DCTN6: variants seen among roughly 807,000 people sequenced by gnomAD.
DCTN6 encodes dynactin 6.
A neutral mutation model predicts 25.8 loss-of-function variants in DCTN6; 15 were observed. That is an observed-to-expected ratio of 0.58 (90% CI 0.39 to 0.89). The LOEUF is 0.89. DCTN6 is among the 40% of genes least tolerant of loss of function. The pLI is 0.00. For missense variants in DCTN6, 198 were observed against 237.6 expected (o/e 0.83, Z 1.09); for synonymous variants, 64 against 78.3 (o/e 0.82, Z 0.96).
intron 2 of DCTN6, among the ~76,000 whole-genome samples, chr8:30,173,676 G>A (rs1259625384): frequency 1.4e-5 from 2 of 144,210 alleles, no homozygotes; most frequent in Non-Finnish European, 3.0e-5. Context: ...GCTGGAGGGA[G>A]TTATGATCAC....
At chr8:30,158,557 A>G (rs1385587675) in intron 1 of DCTN6, among the ~76,000 whole-genome samples, 3 of 152,178 alleles carry the variant, frequency 2.0e-5, no homozygotes, top group African/African-American at 2.4e-5. Context: ...CTCTGCTCCA[A>G]GAAATTTCTA....
chr8:30,164,103 T>A lies in DCTN6; in HGVS notation c.24-8T>A. On this transcript the variant is annotated splice_polypyrimidine_tract_variant and splice_region_variant and intron_variant, in intron 1 of 6. Coordinates refer to ENST00000221114, the MANE Select transcript of DCTN6 (RefSeq NM_006571.4). ...CCCCTGGTAAATGTTACCTTTTTCT[T>A]GCTACAGTGTGAAGATTGCTCCTGG... 1 of 1,612,542 alleles carries A rather than the reference T, an allele frequency of 6.2e-7. No individual in the cohort carries two copies. Among genetic ancestry groups the A allele is most frequent in the Non-Finnish European group, 8.5e-7 (1 of 1,178,530 alleles).
chr8:30,170,908 T>G (rs1307259362), intron 2 of DCTN6, among the ~76,000 whole-genome samples: 1 of 152,198 alleles, frequency 6.6e-6, no homozygotes, highest in East Asian at 1.9e-4. Flanking sequence ...GTGCTGGGAT[T>G]ACAGATGTGA....
At chr8:30,170,212 G>A (rs1803745379) in intron 2 of DCTN6, among the ~76,000 whole-genome samples, 1 of 151,968 alleles carries the variant, frequency 6.6e-6, no homozygotes, top group South Asian at 2.1e-4. Context: ...AAATCTAGCG[G>A]TTATGTATCC....
At chr8:30,163,167 C>G (rs759740837) in intron 1 of DCTN6, among the ~76,000 whole-genome samples, 29 of 152,066 alleles carry the variant, frequency 1.9e-4, no homozygotes, top group Non-Finnish European at 3.4e-4. Context: ...TGTGGTGGCA[C>G]ATGCCTGTAA....
intron 4 of DCTN6, among the ~76,000 whole-genome samples, chr8:30,178,465 A>G (rs1259307628): frequency 6.7e-6 from 1 of 148,974 alleles, no homozygotes; most frequent in Non-Finnish European, 1.5e-5. Context: ...CCGTCTCAAA[A>G]AGATTAAAAA....
In DCTN6 at chr8:30,177,127, T is replaced by C. The variant is rs774369831; in HGVS notation, c.196T>C (p.Tyr66His). The C allele has an allele frequency of 3.1e-5, 50 of 1,609,734 alleles. No homozygotes were observed. The highest frequency in any genetic ancestry group is 4.0e-5 in the Non-Finnish European group (47 of 1,177,644). The part of the protein sequence containing the change: ...IEEQALIINA[Y>H]PDNITPDTED... Reference sequence around the variant, plus strand: ...ATGATTTGTTTCTTCTGTTTACAGTTACCCAGATAATATCACTCCTGACAC... The same window carrying C: ...ATGATTTGTTTCTTCTGTTTACAGTCACCCAGATAATATCACTCCTGACAC... Residue 66 changes from tyrosine (Y) to histidine (H), a missense_variant and splice_region_variant, in exon 4 of 7, where the codon TAC becomes CAC. Coordinates refer to ENST00000221114, the MANE Select transcript of DCTN6 (RefSeq NM_006571.4).
Position 30,183,151 on chromosome 8 carries a change from G to A in DCTN6, c.551G>A (p.Ser184Asn), listed in dbSNP as rs1563232361. ...YHHLKKTMKG[S>N]STPVKN ...CACCTAAAGAAGACTATGAAAGGAA[G>A]CTCAACTCCAGTAAAGAACTAAGAA... Residue 184 changes from serine (S) to asparagine (N), a missense_variant, in exon 7 of 7, where the codon AGC becomes AAC. Physicochemically the swap from Ser to Asn is conservative, Grantham distance 46. Transcript: ENST00000221114. 13 of 1,613,760 alleles carry A rather than the reference G, an allele frequency of 8.1e-6. No individual in the cohort carries two copies. Among genetic ancestry groups the A allele is most frequent in the Non-Finnish European group, 1.1e-5 (13 of 1,179,878 alleles).
At chr8:30,177,327 C>T in intron 4 of DCTN6, 113 bp downstream of exon 4, 1 of 713,864 alleles carries the variant, frequency 1.4e-6, no homozygotes, top group Middle Eastern at 3.9e-4. Flanking sequence ...CCTAAGTCTT[C>T]TCCTGTAGAA....
At chr8:30,159,665 C>T (rs1803573147) in intron 1 of DCTN6, among the ~76,000 whole-genome samples, 1 of 152,128 alleles carries the variant, frequency 6.6e-6, no homozygotes, top group African/African-American at 2.4e-5. Context: ...TCTACCCCTC[C>T]TCCCATAGGC....
rs766976301 is a variant in DCTN6 at position 30,180,621 on chromosome 8, G to C, written c.465G>C (p.Glu155Asp). The C allele has an allele frequency of 6.2e-7, 1 of 1,614,070 alleles. No homozygotes were observed. The highest frequency in any genetic ancestry group is 1.7e-5 in the Admixed American group (1 of 60,012). Residue 155 changes from glutamate (E) to aspartate (D), a missense_variant, in exon 6 of 7, where the codon GAG becomes GAC. By Grantham distance (45) the Glu-to-Asp change is conservative. Coordinates refer to ENST00000221114, the MANE Select transcript of DCTN6 (RefSeq NM_006571.4). ...GADCLRRVQTERPQPQTLQLD... is the reference protein window; with the variant it reads ...GADCLRRVQTDRPQPQTLQLD... ...ACTGCCTTCGTCGGGTGCAGACTGA[G>C]CGACCGCAGGTACTAGAACCTCTCT...
intron 2 of DCTN6, among the ~76,000 whole-genome samples, chr8:30,170,994 T>A (rs1803755344): frequency 6.6e-6 from 1 of 152,176 alleles, no homozygotes; most frequent in African/African-American, 2.4e-5. Context: ...TTTTTAAAAA[T>A]TTTTAAAAAG....
Position 30,175,154 on chromosome 8 carries a change from G to A in DCTN6, c.158G>A (p.Gly53Glu). ...GCCGGGCCAATAGTGATTGGCGAAGGGAACCTAATAGAAGAACAGGCCCTT... is the reference window on the plus strand; with the variant it reads ...GCCGGGCCAATAGTGATTGGCGAAGAGAACCTAATAGAAGAACAGGCCCTT... ...AEAGPIVIGE[G>E]NLIEEQALII... Residue 53 changes from glycine (G) to glutamate (E), a missense_variant, in exon 3 of 7, where the codon GGG (glycine) becomes GAG (glutamate). Transcript: ENST00000221114. 6.2e-7 allele frequency: 1 copy of A among 1,613,924 alleles called. No homozygotes were observed. Among genetic ancestry groups the A allele is most frequent in the East Asian group, 2.2e-5 (1 of 44,880 alleles).
Position 30,175,198 on chromosome 8 carries a change from T to C in DCTN6, c.194+8T>C. The C allele has an allele frequency of 6.2e-7, 1 of 1,609,904 alleles. No homozygotes were observed. Among genetic ancestry groups the C allele is most frequent in the Non-Finnish European group, 8.5e-7 (1 of 1,176,630 alleles). ...GGCCCTTATCATAAATGCGTAAGAC[T>C]CTTATACATACTGTGAACCAAGTAC... is the stretch of plus-strand genomic sequence containing the variant. On this transcript the variant is annotated splice_region_variant and intron_variant, in intron 3 of 6. Transcript: ENST00000221114.
At position 30,183,210 on chromosome 8, in the gene DCTN6, G is replaced by T; in HGVS notation, c.*37G>T. The T allele has an allele frequency of 6.4e-7, 1 of 1,560,954 alleles. No individual in the cohort carries two copies. Among genetic ancestry groups the T allele is most frequent in the South Asian group, 1.1e-5 (1 of 89,630 alleles). On this transcript the variant is annotated 3_prime_UTR_variant, in exon 7 of 7. Coordinates refer to ENST00000221114, the MANE Select transcript of DCTN6 (RefSeq NM_006571.4). ...AACATGAAGATAACATTTTGTCTTT[G>T]ACCACTGTCTTTTGAATGGGCCCAC...
At chr8:30,177,094 C>T (rs368841372) in intron 3 of DCTN6, 32 bp from the exon 4 acceptor site, 5 of 1,565,526 alleles carry the variant, frequency 3.2e-6, no homozygotes, top group Non-Finnish European at 4.4e-6. Context: ...GTGTTATTGA[C>T]TTTTTGGATG....
chr8:30,159,433 AGGGAATACTTGGG>A (rs1256463356), intron 1 of DCTN6, among the ~76,000 whole-genome samples: 2 of 152,200 alleles, frequency 1.3e-5, no homozygotes, highest in African/African-American at 2.4e-5. Flanking sequence ...CATGTATATT[AGGGAATACTTGGG>A]GGGAAGATTC....
At chr8:30,166,989 G>GAAGGA in intron 2 of DCTN6, among the ~76,000 whole-genome samples, 1 of 150,306 alleles carries the variant, frequency 6.7e-6, no homozygotes, top group African/African-American at 2.4e-5. Context: ...AGGAAGGGAG[G>GAAGGA]AAGGAAAGGA....
At chr8:30,157,363 T>C (rs1274668948) in intron 1 of DCTN6, among the ~76,000 whole-genome samples, 1 of 152,222 alleles carries the variant, frequency 6.6e-6, no homozygotes, top group Non-Finnish European at 1.5e-5. Context: ...GTTGATTCCA[T>C]ACTTTGCTAT....
Sources: allele counts gnomAD v4.1 joint callset (sites outside exome capture counted in the v4.1 genomes callset), GRCh38; gene constraint gnomAD v4.1.1; transcripts MANE v1.5; gene names NCBI Gene and HGNC (gene_info 2026-07-23, HGNC 2026-07-21).